MCF2: variants seen among roughly 807,000 people sequenced by gnomAD.
MCF2 encodes the protein MCF.2 cell line derived transforming sequence.
Under a neutral mutation model 82.5 loss-of-function variants are expected in MCF2, and 44 were observed. That is an observed-to-expected ratio of 0.53 (90% CI 0.42 to 0.69). The LOEUF (loss-of-function observed/expected upper bound fraction) is 0.69. Among genes scored for constraint, MCF2 ranks in the 30% least tolerant of loss-of-function variants. The pLI is 0.00. For missense variants in MCF2, 623 were observed against 663.1 expected, an observed-to-expected ratio of 0.94 and a Z score of 0.66; for synonymous variants, 217 against 224.9, an observed-to-expected ratio of 0.96 and a Z score of 0.32.
At chrX:139,666,087 T>A (rs890315746) in intron 1 of MCF2, among the ~76,000 whole-genome samples, 1 of 107,954 alleles carries the variant, frequency 9.3e-6, no homozygotes, top group African/African-American at 3.3e-5. Context: ...CTCAAGCATT[T>A]ATCCTTATTA....
chrX:139,606,774 A>G (rs1931056156), intron 12 of MCF2, among the ~76,000 whole-genome samples: 1 of 111,690 alleles, frequency 9.0e-6, no homozygotes, highest in Non-Finnish European at 1.9e-5. Flanking sequence ...CAGTATAAGT[A>G]ACCCATTTGA....
chrX:139,666,783 A>G (rs1043878761), intron 1 of MCF2, among the ~76,000 whole-genome samples: 1 of 111,600 alleles, frequency 9.0e-6, no homozygotes, highest in Non-Finnish European at 1.9e-5. Context: ...TTCATCTATT[A>G]TTTCTTTAAA....
chrX:139,601,006 A>G (rs1329489717), intron 16 of MCF2, among the ~76,000 whole-genome samples: 4 of 112,151 alleles, frequency 3.6e-5, no homozygotes, highest in Admixed American at 2.8e-4. Context: ...CTATTAAAAG[A>G]AACATTGAAA....
At position 139,677,576 on chromosome X, in the gene MCF2, T is replaced by C. The variant is rs757999933; in HGVS notation, c.-44-25788A>G. Among the ~76,000 whole-genome samples, 104 of 111,546 alleles carry C rather than the reference T, an allele frequency of 9.3e-4. 1 individual carries two copies. The South Asian group carries it at 0.014, about 15-fold the overall frequency. On this transcript the variant is annotated intron_variant, in intron 1 of 27. Coordinates refer to the MCF2 transcript ENST00000414978. Reference sequence around the variant, plus strand: ...ACTATAGTTCTGCAAAGATTTTAATTCTGCATCACCTTCTCCAAACAATCA... The same window carrying C: ...ACTATAGTTCTGCAAAGATTTTAATCCTGCATCACCTTCTCCAAACAATCA...
intron 1 of MCF2, among the ~76,000 whole-genome samples, chrX:139,653,077 G>A (rs1934085002): frequency 9.0e-6 from 1 of 111,553 alleles, no homozygotes. Context: ...TATATATTTA[G>A]ACTCGATATA....
At chrX:139,582,568 A>G (rs1928568026) in intron 24 of MCF2, 65 bp from the exon 29 acceptor site, 3 of 808,958 alleles carry the variant, frequency 3.7e-6, no homozygotes, top group South Asian at 4.7e-5. Context: ...CCAAAAGAGC[A>G]GGTCATTCCA....
At chrX:139,623,964 A>G (rs1470898521) in intron 6 of MCF2, among the ~76,000 whole-genome samples, 1 of 111,493 alleles carries the variant, frequency 9.0e-6, no homozygotes, top group Non-Finnish European at 1.9e-5. Context: ...TTTTATGAGA[A>G]GGAGGATATT....
intron 1 of MCF2, among the ~76,000 whole-genome samples, chrX:139,700,562 C>T (rs2148586079): frequency 8.9e-6 from 1 of 112,018 alleles, no homozygotes; most frequent in Non-Finnish European, 1.9e-5. Context: ...GATCCAGGGA[C>T]CTTGGGGGTC....
chrX:139,641,399 T>A (rs1208015852), intron 1 of MCF2, among the ~76,000 whole-genome samples: 1 of 110,556 alleles, frequency 9.0e-6, no homozygotes, highest in Admixed American at 9.7e-5. Context: ...TTTGTCAAAA[T>A]AAAGCCAACT....
At chrX:139,642,592 G>A (rs958532869) in exon 1 of MCF2, 8 of 1,205,686 alleles carry the variant, frequency 6.6e-6, no homozygotes, top group African/African-American at 5.3e-5. Flanking sequence ...CTGCTTCTTG[G>A]GTAGTATTTA....
intron 1 of MCF2, among the ~76,000 whole-genome samples, chrX:139,657,288 T>C (rs752634558): frequency 5.3e-5 from 6 of 112,361 alleles, no homozygotes; most frequent in South Asian, 3.7e-4. Flanking sequence ...ATTTAAAAGG[T>C]AGTTGTGCCA....
At chrX:139,584,333 C>A (rs1235480580) in intron 24 of MCF2, among the ~76,000 whole-genome samples, 1 of 109,854 alleles carries the variant, frequency 9.1e-6, no homozygotes, top group Non-Finnish European at 1.9e-5. Context: ...CGAGGTTTAC[C>A]CTCTTATACT....
intron 1 of MCF2, among the ~76,000 whole-genome samples, chrX:139,671,633 G>C (rs1471517783): frequency 1.8e-5 from 2 of 111,249 alleles, no homozygotes; most frequent in Non-Finnish European, 3.8e-5. Context: ...TAGATGTCTG[G>C]TGTTATTTCT....
chrX:139,643,231 TTTTA>T (rs1164034329), upstream of MCF2, among the ~76,000 whole-genome samples: 1 of 111,904 alleles, frequency 8.9e-6, no homozygotes, highest in Non-Finnish European at 1.9e-5. Flanking sequence ...ACCTAAATGC[TTTTA>T]TTTGTTTTGA....
At chrX:139,602,263 T>TG (rs771955470) in intron 16 of MCF2, 143 bp downstream of exon 20, 12 of 480,199 alleles carry the variant, frequency 2.5e-5, no homozygotes, top group African/African-American at 2.5e-5. Flanking sequence ...TTGTGTGTGT[T>TG]GGGGGGGAGG....
exon 25 of MCF2, chrX:139,582,022 C>T (rs962918937): frequency 6.8e-6 from 1 of 147,176 alleles, no homozygotes; most frequent in Non-Finnish European, 1.3e-5. Flanking sequence ...TGTATTGTTT[C>T]ACACAAGTTA....
intron 16 of MCF2, among the ~76,000 whole-genome samples, chrX:139,599,382 G>A (rs1463849038): frequency 9.1e-6 from 1 of 109,641 alleles, no homozygotes; most frequent in Non-Finnish European, 1.9e-5. Flanking sequence ...ACAAAGTTAT[G>A]AAGAAGATAA....
chrX:139,642,442 TCCAGGAGTGCAGACAGAG>T (rs1933624614), intron 1 of MCF2: 1 of 1,211,439 alleles, frequency 8.3e-7, no homozygotes, highest in South Asian at 1.8e-5. Context: ...GAACAGGCTT[TCCAGGAGTGCAGACAGAG>T]CCCTTACCGC....
At chrX:139,642,727 TC>T (rs1200592547) in exon 1 of MCF2, 1 of 1,069,905 alleles carries the variant, frequency 9.3e-7, no homozygotes, top group African/African-American at 1.9e-5. Context: ...AGCTGACAGA[TC>T]CTTCCCTTCT....
Sources: allele counts gnomAD v4.1 joint callset (sites outside exome capture counted in the v4.1 genomes callset), GRCh38; gene constraint gnomAD v4.1.1; transcripts MANE v1.5; gene names NCBI Gene and HGNC (gene_info 2026-07-23, HGNC 2026-07-21).